Variants in AGR3 observed in about 807,000 individuals in gnomAD.
AGR3 encodes anterior gradient 3, protein disulphide isomerase family member, also known as anterior gradient protein 3.
Under a neutral mutation model 24.5 loss-of-function variants are expected in AGR3, and 37 were observed. The observed-to-expected ratio is 1.51, with a 90% CI of 1.16 to 1.99. The LOEUF (loss-of-function observed/expected upper bound fraction) is 1.99. Among genes scored for constraint, AGR3 ranks in the 30% most tolerant of loss-of-function variants. AGR3 has a pLI of 0.00. For synonymous variants in AGR3, 75 were observed against 61.6 expected (o/e 1.22, Z -1.02); for missense variants, 228 against 191.1 (o/e 1.19, Z -1.14).
rs144833443 is a variant in AGR3, at chr7:16,860,499, C to T, written c.451+1G>A. ...GTTTGAGATCATTTGTGAATACTTA[C>T]ATAGGGGTAAATCCCGAGGCTCATA... is the stretch of plus-strand genomic sequence containing the variant. On this transcript the variant is annotated splice_donor_variant, in intron 7 of 7. Coordinates refer to ENST00000310398, the MANE Select transcript of AGR3 (RefSeq NM_176813.5). LOFTEE classifies it high-confidence loss of function. 1 of 1,608,442 alleles carries T rather than the reference C, an allele frequency of 6.2e-7. No individual in the cohort carries two copies. Among genetic ancestry groups the T allele is most frequent in the South Asian group, 1.1e-5 (1 of 90,944 alleles).
chr7:16,870,194 T>C (rs1407108545), intron 3 of AGR3, among the ~76,000 whole-genome samples: 3 of 152,056 alleles, frequency 2.0e-5, no homozygotes, highest in African/African-American at 7.2e-5. Flanking sequence ...AAATGAGGTA[T>C]TTAACAAGTT....
chr7:16,863,594 A>C (rs1781690323), intron 3 of AGR3, among the ~76,000 whole-genome samples: 1 of 152,118 alleles, frequency 6.6e-6, no homozygotes, highest in Admixed American at 6.6e-5. Context: ...ATATGTTTAT[A>C]TATTGTATAT....
chr7:16,864,775 G>T, intron 3 of AGR3: 1 of 1,086,768 alleles, frequency 9.2e-7, no homozygotes, highest in Non-Finnish European at 1.4e-6. Flanking sequence ...TTGGCAATGA[G>T]CATATCCTCC....
At chr7:16,881,079 A>G (rs1197611036) in intron 1 of AGR3, among the ~76,000 whole-genome samples, 3 of 152,222 alleles carry the variant, frequency 2.0e-5, no homozygotes, top group Non-Finnish European at 4.4e-5. Context: ...AGAAAAGTCA[A>G]TCTGGAAGGA....
chr7:16,864,192 A>C, intron 3 of AGR3: 1 of 892,342 alleles, frequency 1.1e-6, no homozygotes, highest in South Asian at 1.7e-5. Flanking sequence ...AAGTATATTA[A>C]CTCTGCTGAA....
intron 1 of AGR3, 98 bp from the exon 2 acceptor site, chr7:16,878,743 C>T (rs112143204): frequency 1.1e-6 from 1 of 879,362 alleles, no homozygotes; most frequent in African/African-American, 1.7e-5. Context: ...TGATGACAGA[C>T]TGTTCAGCTT....
At chr7:16,857,984 A>T (rs1781576276), downstream of AGR3, among the ~76,000 whole-genome samples, 1 of 141,014 alleles carries the variant, frequency 7.1e-6, no homozygotes, top group African/African-American at 2.8e-5. Flanking sequence ...CCCATCTAAA[A>T]CATTTTCTTT....
intron 3 of AGR3, among the ~76,000 whole-genome samples, chr7:16,868,162 CT>C (rs34028587): frequency 1.3e-5 from 2 of 149,258 alleles, no homozygotes; most frequent in Non-Finnish European, 3.0e-5. Context: ...CTTTGTATGT[CT>C]TTTTTTTTTG....
intron 3 of AGR3, among the ~76,000 whole-genome samples, chr7:16,869,742 G>C (rs1781830478): frequency 6.9e-6 from 1 of 144,216 alleles, no homozygotes; most frequent in South Asian, 2.2e-4. Context: ...GTCACTCTAT[G>C]TCTTTTGATT....
At chr7:16,870,004 GTTT>G (rs932592443) in intron 3 of AGR3, among the ~76,000 whole-genome samples, 2 of 151,772 alleles carry the variant, frequency 1.3e-5, no homozygotes, top group African/African-American at 2.4e-5. Flanking sequence ...ATCTTAAAAA[GTTT>G]TTTAAGTATA....
Position 16,875,455 on chromosome 7 carries a change from G to A in AGR3, c.110-1612C>T, listed in dbSNP as rs190821312. Among the ~76,000 whole-genome samples the A allele has an allele frequency of 4.0e-5, 6 of 151,670 alleles. 1 individual carries two copies. In the East Asian group the frequency reaches 7.7e-4, roughly 20 times the overall value. ...TATTATTATTTAATTCATTTTTTAT[G>A]GTCAAATATTATTCCATTGTATGAA... On this transcript the variant is annotated intron_variant, in intron 2 of 7. Transcript: ENST00000310398.
chr7:16,865,214 C>T (rs1476637389), intron 3 of AGR3: 7 of 770,334 alleles, frequency 9.1e-6, no homozygotes, highest in East Asian at 4.9e-5. Context: ...ATTTTGACAG[C>T]GTAGCATTTG....
downstream of AGR3, chr7:16,859,365 G>T: frequency 2.2e-6 from 1 of 453,868 alleles, no homozygotes; most frequent in Non-Finnish European, 3.9e-6. Context: ...CTCTTGGCAG[G>T]CTTTCTTTGC....
rs891005497 is a variant in AGR3, at chr7:16,864,312, G to A, written c.174-1650C>T. 58 of 1,356,746 alleles carry A rather than the reference G, an allele frequency of 4.3e-5. No individual in the cohort carries two copies. The African/African-American group carries it at 5.8e-4, about 13-fold the overall frequency. The allele number at this position is 1,356,746 out of a possible 1,614,324, so 84.0% of individuals were successfully genotyped here. ...CTTCTATTATTATATTTTCTTCCAC[G>A]TCTCCTTGGGCTGAAAAGAGCTGAG... On this transcript the variant is annotated intron_variant, in intron 3 of 7. Coordinates refer to ENST00000310398, the MANE Select transcript of AGR3 (RefSeq NM_176813.5).
At chr7:16,860,837 T>C (rs1309600897) in intron 6 of AGR3, among the ~76,000 whole-genome samples, 1 of 152,188 alleles carries the variant, frequency 6.6e-6, no homozygotes, top group Non-Finnish European at 1.5e-5. Flanking sequence ...ATTGTCTATT[T>C]TTCCTCTCTT....
intron 3 of AGR3, among the ~76,000 whole-genome samples, chr7:16,867,581 C>T (rs142381758): frequency 1.7e-3 from 261 of 152,240 alleles, no homozygotes; most frequent in Non-Finnish European, 2.7e-3. Context: ...CTATTATTCC[C>T]ACAATGTACA....
intron 4 of AGR3, 94 bp from the exon 5 acceptor site, chr7:16,862,154 G>A (rs887655284): frequency 2.0e-6 from 2 of 975,672 alleles, no homozygotes; most frequent in African/African-American, 3.3e-5. Context: ...GCATTTGTTT[G>A]CATATATAAC....
At chr7:16,869,308 T>A (rs186979857) in intron 3 of AGR3, among the ~76,000 whole-genome samples, 2 of 152,254 alleles carry the variant, frequency 1.3e-5, no homozygotes, top group African/African-American at 4.8e-5. Flanking sequence ...TCTTTGTTTC[T>A]GTTTACATTT....
rs148341379 is a variant in AGR3, at chr7:16,867,671, T to C, written c.174-5009A>G. 3.7e-3 allele frequency among the ~76,000 whole-genome samples: 568 copies of C among 152,294 alleles called. 4 individuals are homozygous for C. Among genetic ancestry groups the C allele is most frequent in the Non-Finnish European group, 3.9e-3 (266 of 68,008 alleles). The stretch of plus-strand genomic sequence containing the variant: ...ACTCCCCATCCTCACCCCCAGACTT[T>C]AGTAACCACCATTTTCCTTTGTTTC... On this transcript the variant is annotated intron_variant, in intron 3 of 7. Coordinates refer to ENST00000310398, the MANE Select transcript of AGR3 (RefSeq NM_176813.5).
Sources: gnomAD v4.1 joint callset for allele counts (sites outside exome capture counted in the v4.1 genomes callset) on GRCh38, gnomAD v4.1.1 for gene constraint, MANE v1.5 for transcripts, NCBI Gene and HGNC (gene_info 2026-07-23, HGNC 2026-07-21) for gene names.